The following SLC44A5 variants were observed in gnomAD, a reference collection of about 807,000 sequenced individuals.
SLC44A5 encodes the protein choline transporter-like protein 5.
Under a neutral mutation model 101.8 loss-of-function variants are expected in SLC44A5, and 57 were observed. The observed-to-expected ratio is 0.56, with a 90% CI of 0.45 to 0.70. The LOEUF is 0.70. Among genes scored for constraint, SLC44A5 ranks in the 30% least tolerant of loss-of-function variants. The pLI is 0.00. For synonymous variants in SLC44A5, 281 were observed against 290.9 expected (o/e 0.97, Z 0.35); for missense variants, 737 against 853.1 (o/e 0.86, Z 1.70).
At chr1:75,721,523 G>A in the SLC44A5 span, among the ~76,000 whole-genome samples, 2 of 152,156 alleles carry the variant, frequency 1.3e-5, no homozygotes, top group Admixed American at 1.3e-4. Context: ...ATTGGACACT[G>A]CTGGCTTACA....
chr1:75,642,234 A>G, the SLC44A5 span: 1 of 537,194 alleles, frequency 1.9e-6, no homozygotes, highest in Admixed American at 3.6e-5. Flanking sequence ...ATCACTTGAT[A>G]TTATGATGAC....
chr1:75,614,787 T>C (rs1006969152), upstream of SLC44A5, among the ~76,000 whole-genome samples: 4 of 152,154 alleles, frequency 2.6e-5, no homozygotes, highest in Non-Finnish European at 5.9e-5. Context: ...CGCCCCTTCC[T>C]TGCCACCATC....
At chr1:75,230,020 T>C (rs1438071860) in intron 12 of SLC44A5, among the ~76,000 whole-genome samples, 1 of 152,212 alleles carries the variant, frequency 6.6e-6, no homozygotes, top group African/African-American at 2.4e-5. Context: ...CATATTTTTG[T>C]CCCCTTGTTA....
intron 2 of SLC44A5, among the ~76,000 whole-genome samples, chr1:75,476,226 A>C (rs1048849186): frequency 6.6e-6 from 1 of 152,148 alleles, no homozygotes; most frequent in African/African-American, 2.4e-5. Context: ...TATCAAGATT[A>C]ACAAGGTAGA....
chr1:75,646,819 T>G, the SLC44A5 span, among the ~76,000 whole-genome samples: 3 of 152,136 alleles, frequency 2.0e-5, no homozygotes, highest in Non-Finnish European at 4.4e-5. Flanking sequence ...AACTTTGAAC[T>G]TGAGAGAGAT....
rs35608663 is a variant in SLC44A5 at position 75,300,014 on chromosome 1, CAAAAAAAA to C, written c.175+590_175+597del. Among the ~76,000 whole-genome samples, 5 of 93,796 alleles carry C rather than the reference CAAAAAAAA, an allele frequency of 5.3e-5. No homozygotes were observed. The South Asian group carries it at 1.0e-3, about 20-fold the overall frequency. 61.5% of individuals were successfully genotyped at this position (93,796 alleles called of 152,430 possible). On this transcript the variant is annotated intron_variant, in intron 5 of 23. Transcript: ENST00000370859. Reference sequence around the variant, plus strand: ...CTGGGAACACAGTGAGACTCTGTCTCAAAAAAAAAAAAAAAAAAAAAAAAAAATTTCAA... The same window carrying C: ...CTGGGAACACAGTGAGACTCTGTCTCAAAAAAAAAAAAAAAAAAATTTCAA...
At chr1:75,370,021 T>G (rs550655928) in intron 3 of SLC44A5, among the ~76,000 whole-genome samples, 6 of 152,244 alleles carry the variant, frequency 3.9e-5, no homozygotes, top group South Asian at 4.1e-4. Flanking sequence ...GAAAATAAAA[T>G]TATTTGAATA....
At chr1:75,487,729 G>C (rs1668226974) in intron 2 of SLC44A5, among the ~76,000 whole-genome samples, 2 of 152,104 alleles carry the variant, frequency 1.3e-5, no homozygotes, top group Admixed American at 1.3e-4. Flanking sequence ...GAATGTCATA[G>C]AGTATACTTA....
intron 7 of SLC44A5, among the ~76,000 whole-genome samples, chr1:75,245,203 T>C (rs1449676057): frequency 1.3e-5 from 2 of 152,136 alleles, no homozygotes; most frequent in African/African-American, 4.8e-5. Context: ...CCTCCACATG[T>C]ATTTCCTCTT....
intron 2 of SLC44A5, among the ~76,000 whole-genome samples, chr1:75,509,317 G>A (rs1161652707): frequency 1.1e-4 from 16 of 152,160 alleles, no homozygotes; most frequent in Admixed American, 6.5e-4. Context: ...AGTGTGATTC[G>A]TATTTCTGAA....
intron 2 of SLC44A5, among the ~76,000 whole-genome samples, chr1:75,505,225 A>G (rs577686531): frequency 1.3e-5 from 2 of 152,100 alleles, no homozygotes; most frequent in South Asian, 4.1e-4. Flanking sequence ...TATGGAAAAT[A>G]TTTTCTTTAT....
At chr1:75,473,681 C>T (rs1667231479) in intron 2 of SLC44A5, among the ~76,000 whole-genome samples, 1 of 152,206 alleles carries the variant, frequency 6.6e-6, no homozygotes, top group Admixed American at 6.5e-5. Flanking sequence ...TTCTCTAATT[C>T]TAGCACTATA....
At chr1:75,291,293 GT>G (rs1190540224) in intron 5 of SLC44A5, among the ~76,000 whole-genome samples, 1 of 152,006 alleles carries the variant, frequency 6.6e-6, no homozygotes, top group Admixed American at 6.5e-5. Flanking sequence ...GAGTTTATGG[GT>G]TTTTTTCCTT....
chr1:75,698,511 A>T, the SLC44A5 span, among the ~76,000 whole-genome samples: 5 of 152,248 alleles, frequency 3.3e-5, no homozygotes, highest in Non-Finnish European at 7.3e-5. Flanking sequence ...GTACATCACC[A>T]TCATCAAAGA....
At chr1:75,368,427 C>T (rs1660002869) in intron 3 of SLC44A5, among the ~76,000 whole-genome samples, 1 of 152,180 alleles carries the variant, frequency 6.6e-6, no homozygotes, top group Admixed American at 6.5e-5. Context: ...TATTTTTGAT[C>T]CACAGTTGGC....
intron 2 of SLC44A5, among the ~76,000 whole-genome samples, chr1:75,429,850 A>G (rs1210305050): frequency 6.6e-6 from 1 of 152,184 alleles, no homozygotes; most frequent in Non-Finnish European, 1.5e-5. Flanking sequence ...ATCAGGCCCC[A>G]CCACTAACAC....
rs999882681 is a variant in SLC44A5, at chr1:75,475,470, A to C, written c.13+65965T>G. 2.6e-5 allele frequency among the ~76,000 whole-genome samples: 4 copies of C among 152,108 alleles called. No individual in the cohort carries two copies. The South Asian group carries it at 8.3e-4, about 31-fold the overall frequency. ...TTTCTCTGATTACTCAGAAAGATCTATTTTCTTCCGATATTTTATTATTAC... is the reference window on the plus strand; with the variant it reads ...TTTCTCTGATTACTCAGAAAGATCTCTTTTCTTCCGATATTTTATTATTAC... On this transcript the variant is annotated intron_variant, in intron 2 of 23. Transcript: ENST00000370859.
At chr1:75,361,596 GAGA>G in intron 3 of SLC44A5, among the ~76,000 whole-genome samples, 1 of 152,112 alleles carries the variant, frequency 6.6e-6, no homozygotes, top group South Asian at 2.1e-4. Context: ...TGCATCTATT[GAGA>G]TAATCATTTA....
rs563058369 is a variant in SLC44A5, at chr1:75,366,451, C to T, written c.53-26821G>A. On this transcript the variant is annotated intron_variant, in intron 3 of 23. Coordinates refer to ENST00000370859, the MANE Select transcript of SLC44A5 (RefSeq NM_001130058.2). The stretch of plus-strand genomic sequence containing the variant: ...TTTTTCTCTTGCTGCTTTCACAGTA[C>T]TCCTTTTGTCTGACTTTTGACAATT... Among the ~76,000 whole-genome samples, 22 of 152,250 alleles carry T rather than the reference C, an allele frequency of 1.4e-4. 1 individual carries two copies. In the East Asian group the frequency reaches 4.0e-3, roughly 28 times the overall value.
Sources: gnomAD v4.1 joint callset for allele counts (sites outside exome capture counted in the v4.1 genomes callset) on GRCh38, gnomAD v4.1.1 for gene constraint, MANE v1.5 for transcripts, NCBI Gene and HGNC (gene_info 2026-07-23, HGNC 2026-07-21) for gene names.